THOC5: variants seen among roughly 807,000 people sequenced by gnomAD.
The protein encoded by THOC5 is THO complex subunit 5.
THOC5 carries 43 observed loss-of-function variants against 92.9 expected under a neutral mutation model. The observed-to-expected ratio is 0.46, with a 90% confidence interval of 0.36 to 0.60. The LOEUF (loss-of-function observed/expected upper bound fraction) is 0.60. Ranked by LOEUF, THOC5 falls within the 20% of genes least tolerant of loss-of-function variation. The pLI, the probability that THOC5 is intolerant of heterozygous loss-of-function variation, is 0.00. For missense variants in THOC5, 659 were observed against 849.4 expected (o/e 0.78, Z 2.79); for synonymous variants, 296 against 320.1 (o/e 0.92, Z 0.80).
At chr22:29,527,940 A>G in intron 11 of THOC5, 138 bp downstream of exon 11, 2 of 749,146 alleles carry the variant, frequency 2.7e-6, no homozygotes, top group Non-Finnish European at 4.3e-6. Flanking sequence ...ATGCAAAACA[A>G]TAAGGAAAAA....
chr22:29,532,476 G>A (rs1232076804), intron 7 of THOC5, among the ~76,000 whole-genome samples: 4 of 148,170 alleles, frequency 2.7e-5, no homozygotes, highest in South Asian at 2.2e-4. Flanking sequence ...CCAGCCTGAC[G>A]GACACAGAGA....
intron 5 of THOC5, among the ~76,000 whole-genome samples, chr22:29,541,673 A>G (rs1177246977): frequency 1.3e-5 from 2 of 149,836 alleles, no homozygotes; most frequent in African/African-American, 2.5e-5. Flanking sequence ...CATCCTGGCT[A>G]ACACGGTGAA....
chr22:29,519,357 G>C (rs1435875693), intron 14 of THOC5, among the ~76,000 whole-genome samples: 2 of 152,230 alleles, frequency 1.3e-5, no homozygotes, highest in East Asian at 3.9e-4. Context: ...GGAAAGGCAG[G>C]CTTCTGCTAA....
At chr22:29,551,952 G>A (rs1261819307) in intron 1 of THOC5, among the ~76,000 whole-genome samples, 1 of 152,032 alleles carries the variant, frequency 6.6e-6, no homozygotes, top group Admixed American at 6.6e-5. Flanking sequence ...CGCCTGACTG[G>A]TTTTCGTATT....
chr22:29,529,309 C>A, intron 8 of THOC5, 70 bp from the exon 9 acceptor site: 1 of 1,517,596 alleles, frequency 6.6e-7, no homozygotes, highest in Non-Finnish European at 9.1e-7. Context: ...AGTAGGCCAG[C>A]TCTGGGGCTG....
rs1344626093 is a variant in THOC5, at chr22:29,506,457, G to T, written c.*2000C>A. 2.0e-5 allele frequency: 3 copies of T among 152,170 alleles called. No homozygotes were observed. The highest frequency in any genetic ancestry group is 4.4e-5 in the Non-Finnish European group (3 of 68,064). The allele number at this position is 152,170 out of a possible 1,614,324, so 9.4% of individuals were successfully genotyped here. A position where few individuals can be genotyped will look rare whatever the true frequency, so the allele number is the denominator to read the frequency against. On this transcript the variant is annotated 3_prime_UTR_variant, in exon 20 of 20. Transcript: ENST00000490103. ...GGAGGCCGAGGTGGGAGGATCATTT[G>T]AGCCCAGGAGTTTGAGACCAGCCTG...
intron 6 of THOC5, among the ~76,000 whole-genome samples, chr22:29,538,632 T>C (rs932329252): frequency 6.6e-6 from 1 of 150,730 alleles, no homozygotes; most frequent in African/African-American, 2.4e-5. Context: ...AACCCTGCTC[T>C]ACAAAAATAA....
In THOC5 at chr22:29,542,948, C is replaced by G; in HGVS notation, c.363G>C (p.Gln121His). 1 of 1,611,390 alleles carries G rather than the reference C, an allele frequency of 6.2e-7. No individual in the cohort carries two copies. The highest frequency in any genetic ancestry group is 8.5e-7 in the Non-Finnish European group (1 of 1,178,558). The change falls in exon 5 of 20, where the codon CAG becomes CAC. Residue 121 changes from glutamine to histidine, a missense_variant. Gln to His is a conservative substitution (Grantham distance 24). Transcript: ENST00000490103. ...GCTGCAGATGATAGGCATCTACTTT[C>G]TGCTTAGCCTGAAAGGAAAATACGA... ...KGRDQTHEAK[Q>H]KVDAYHLQLQ...
intron 15 of THOC5, among the ~76,000 whole-genome samples, 176 bp from the exon 16 acceptor site, chr22:29,517,542 C>G (rs1427689007): frequency 6.6e-6 from 1 of 152,200 alleles, no homozygotes; most frequent in Non-Finnish European, 1.5e-5. Context: ...GCATGTCAAC[C>G]TGACCTTCAC....
intron 6 of THOC5, among the ~76,000 whole-genome samples, chr22:29,538,788 C>A (rs545051876): frequency 1.5e-4 from 17 of 111,934 alleles, no homozygotes; most frequent in Non-Finnish European, 2.5e-4. Flanking sequence ...TAGAGTGAAA[C>A]GCCATCTCTT....
In THOC5 at chr22:29,508,481, A is replaced by G. The variant is rs1340680621; in HGVS notation, c.2028T>C (p.Pro676=). 1.2e-6 allele frequency: 2 copies of G among 1,614,196 alleles called. No homozygotes were observed. The highest frequency in any genetic ancestry group is 1.7e-6 in the Non-Finnish European group (2 of 1,180,028). Residue 676 remains proline, a synonymous_variant, in exon 20 of 20, where the codon CCT becomes CCC. Coordinates refer to ENST00000490103, the MANE Select transcript of THOC5 (RefSeq NM_003678.5). The part of the protein sequence containing the change: ...SRMKPFKYNH[P]QGFFSHR Reference sequence around the variant, plus strand: ...ATCAGCGATGGCTGAAGAATCCCTGAGGATGGTTGTATTTAAATGGCTTCA... The same window carrying G: ...ATCAGCGATGGCTGAAGAATCCCTGGGGATGGTTGTATTTAAATGGCTTCA...
chr22:29,524,832 A>G (rs1439430834), intron 12 of THOC5, among the ~76,000 whole-genome samples: 1 of 152,210 alleles, frequency 6.6e-6, no homozygotes, highest in East Asian at 1.9e-4. Flanking sequence ...CTGCTCTACC[A>G]GGCACCAGAG....
chr22:29,522,015 C>T (rs1349822113), intron 12 of THOC5, among the ~76,000 whole-genome samples: 1 of 151,988 alleles, frequency 6.6e-6, no homozygotes, highest in East Asian at 1.9e-4. Flanking sequence ...AAGGTCTTTG[C>T]CCCCTTCACC....
intron 17 of THOC5, among the ~76,000 whole-genome samples, 184 bp from the exon 18 acceptor site, chr22:29,512,320 G>C (rs1298037090): frequency 6.6e-6 from 1 of 152,202 alleles, no homozygotes; most frequent in Non-Finnish European, 1.5e-5. Flanking sequence ...TGCAGAATGT[G>C]AGGTCCTATA....
chr22:29,522,382 A>C (rs1164448657), intron 12 of THOC5, among the ~76,000 whole-genome samples: 1 of 151,348 alleles, frequency 6.6e-6, no homozygotes, highest in African/African-American at 2.4e-5. Context: ...AAAATAAAAT[A>C]AAATAAAATA....
chr22:29,523,179 T>G (rs1203527822), intron 12 of THOC5, among the ~76,000 whole-genome samples: 1 of 150,748 alleles, frequency 6.6e-6, no homozygotes, highest in African/African-American at 2.4e-5. Context: ...GAGGTGGAGG[T>G]TGCAGTGAGT....
intron 2 of THOC5, 98 bp downstream of exon 2, chr22:29,548,954 C>T: frequency 8.7e-7 from 1 of 1,147,718 alleles, no homozygotes; most frequent in Non-Finnish European, 1.2e-6. Flanking sequence ...AAAAGTTGTA[C>T]CTGGTAGATG....
At chr22:29,525,532 T>C (rs2063525789) in intron 12 of THOC5, among the ~76,000 whole-genome samples, 1 of 150,818 alleles carries the variant, frequency 6.6e-6, no homozygotes, top group Non-Finnish European at 1.5e-5. Context: ...AAATCTCATT[T>C]TATATTCACA....
At chr22:29,551,491 A>G (rs1408177716) in intron 1 of THOC5, among the ~76,000 whole-genome samples, 1 of 152,068 alleles carries the variant, frequency 6.6e-6, no homozygotes, top group Admixed American at 6.5e-5. Context: ...TGTAATCCCA[A>G]CACTTTGGGA....
Sources: allele counts gnomAD v4.1 joint callset (sites outside exome capture counted in the v4.1 genomes callset), GRCh38; gene constraint gnomAD v4.1.1; transcripts MANE v1.5; gene names NCBI Gene and HGNC (gene_info 2026-07-23, HGNC 2026-07-21).